The following ALG13 variants were observed in gnomAD, a reference collection of about 807,000 sequenced individuals.
The protein encoded by ALG13 is ALG13 UDP-N-acetylglucosaminyltransferase subunit, also known as UDP-N-acetylglucosamine transferase subunit ALG13.
ALG13 carries 11 observed loss-of-function variants against 87.8 expected under a neutral mutation model. The observed-to-expected ratio is 0.13, with a 90% CI of 0.08 to 0.21. ALG13 has a LOEUF of 0.21. ALG13 is among the 10% of genes least tolerant of loss of function. ALG13 has a pLI of 1.00. For synonymous variants in ALG13, 320 were observed against 306.3 expected (o/e 1.04, Z -0.47); for missense variants, 756 against 866.1 (o/e 0.87, Z 1.60).
intron 24 of ALG13, among the ~76,000 whole-genome samples, chrX:111,747,949 C>T: frequency 8.9e-6 from 1 of 112,514 alleles, no homozygotes. Context: ...GTTCCACATC[C>T]ATGCCAGTAT....
At chrX:111,705,463 G>A (rs985155855) in intron 3 of ALG13, among the ~76,000 whole-genome samples, 1 of 111,476 alleles carries the variant, frequency 9.0e-6, no homozygotes, top group African/African-American at 3.3e-5. Context: ...CATTTGCAGA[G>A]CAAAAGTTTT....
chrX:111,688,000 A>G, intron 3 of ALG13: 1 of 1,150,434 alleles, frequency 8.7e-7, no homozygotes, highest in Non-Finnish European at 1.2e-6. Context: ...TTACAAAAAT[A>G]AACACTAAAC....
intron 1 of ALG13, chrX:111,681,599 C>G (rs1933241256): frequency 3.6e-5 from 34 of 950,604 alleles, no homozygotes; most frequent in Non-Finnish European, 4.5e-5. Flanking sequence ...TCCGCGTCCT[C>G]CGCCCCTCCT....
At chrX:111,726,240 T>G (rs1185246934) in intron 15 of ALG13, among the ~76,000 whole-genome samples, 4 of 98,412 alleles carry the variant, frequency 4.1e-5, no homozygotes, top group Non-Finnish European at 8.2e-5. Flanking sequence ...TTGTTTTTTT[T>G]TTTTTTTTTT....
At chrX:111,758,957 A>G (rs1312674730) in intron 26 of ALG13, among the ~76,000 whole-genome samples, 1 of 110,615 alleles carries the variant, frequency 9.0e-6, no homozygotes, top group Non-Finnish European at 1.9e-5. Context: ...TAAGTATACT[A>G]TTACCTGGTG....
chrX:111,698,442 A>C (rs1233515349), intron 3 of ALG13, among the ~76,000 whole-genome samples: 1 of 111,277 alleles, frequency 9.0e-6, no homozygotes, highest in African/African-American at 3.3e-5. Flanking sequence ...TCTGCTGTAC[A>C]AAAGATCCCA....
rs1939809151 is a variant in ALG13 at position 111,711,709 on chromosome X, G to A, written c.869G>A (p.Arg290Gln). Residue 290 changes from arginine (R) to glutamine (Q), a missense_variant, in exon 6 of 27, where the codon CGG (arginine) becomes CAG (glutamine). Coordinates refer to ENST00000394780, the MANE Select transcript of ALG13 (RefSeq NM_001099922.3). ...GGATCTTTTGAGAAATACCTGGAAC[G>A]GTTGGGAGATCCCAAGGTAAGATCA... The part of the protein sequence containing the change: ...VEGSFEKYLE[R>Q]LGDPKESAGQ... The A allele has an allele frequency of 6.6e-6, 8 of 1,207,726 alleles. No individual in the cohort carries two copies. The East Asian group carries it at 8.9e-5, about 13-fold the overall frequency.
At chrX:111,746,300 C>T in intron 24 of ALG13, among the ~76,000 whole-genome samples, 1 of 112,284 alleles carries the variant, frequency 8.9e-6, no homozygotes, top group Non-Finnish European at 1.9e-5. Flanking sequence ...CATTGTCCCA[C>T]AAATTTCCCT....
At position 111,731,483 on chromosome X, in the gene ALG13, A is replaced by AAAC. The variant is rs771811205; in HGVS notation, c.2457+903_2457+904insAAC. Among the ~76,000 whole-genome samples, 61 of 111,654 alleles carry AAAC rather than the reference A, an allele frequency of 5.5e-4. 1 individual carries two copies. The highest frequency in any genetic ancestry group is 5.1e-3 in the Admixed American group (54 of 10,550). ...CTCTTCCCTGGAGGAACTCTCGTTC[A>AAAC]TTTTCTGGGGCTCTTGGTTACTCCC... On this transcript the variant is annotated intron_variant, in intron 21 of 26. Coordinates refer to ENST00000394780, the MANE Select transcript of ALG13 (RefSeq NM_001099922.3).
Position 111,760,228 on chromosome X carries a change from G to A in ALG13, c.*229G>A, listed in dbSNP as rs2087714209. On this transcript the variant is annotated 3_prime_UTR_variant, in exon 27 of 27. Coordinates refer to ENST00000394780, the MANE Select transcript of ALG13 (RefSeq NM_001099922.3). ...GGATGTACAACTAGCCCCATATTGAGCATACTTCATTGTATTCAGCTGTTT... is the reference window on the plus strand; with the variant it reads ...GGATGTACAACTAGCCCCATATTGAACATACTTCATTGTATTCAGCTGTTT... The A allele has an allele frequency of 2.7e-6, 1 of 375,934 alleles. No homozygotes were observed. The allele number at this position is 375,934 out of a possible 1,213,427, so 31.0% of individuals were successfully genotyped here.
intron 19 of ALG13, among the ~76,000 whole-genome samples, chrX:111,729,577 C>T (rs971672101): frequency 2.7e-5 from 3 of 111,282 alleles, no homozygotes; most frequent in African/African-American, 9.8e-5. Context: ...TTGAAATAAC[C>T]AAATCTTTGC....
At chrX:111,712,716 G>C (rs1939984799) in intron 7 of ALG13, among the ~76,000 whole-genome samples, 186 bp downstream of exon 7, 2 of 111,740 alleles carry the variant, frequency 1.8e-5, no homozygotes, top group African/African-American at 6.5e-5. Flanking sequence ...TGTTTCATGG[G>C]ATGGAAAAAT....
At chrX:111,712,328 C>G (rs1017017891) in intron 6 of ALG13, among the ~76,000 whole-genome samples, 156 bp from the exon 7 acceptor site, 16 of 111,440 alleles carry the variant, frequency 1.4e-4, no homozygotes, top group African/African-American at 4.9e-4. Flanking sequence ...TAATAAGTAG[C>G]TATCACAGTA....
intron 3 of ALG13, chrX:111,688,578 A>T: frequency 1.4e-6 from 1 of 719,475 alleles, no homozygotes; most frequent in Non-Finnish European, 1.6e-6. Context: ...TTTTTTTTCT[A>T]AAACATACAA....
intron 3 of ALG13, among the ~76,000 whole-genome samples, chrX:111,691,147 C>T (rs1936070414): frequency 9.0e-6 from 1 of 111,277 alleles, no homozygotes; most frequent in African/African-American, 3.3e-5. Flanking sequence ...GTCACCCAGA[C>T]TGGAGTGCAA....
chrX:111,695,474 G>C (rs779627973), intron 3 of ALG13, among the ~76,000 whole-genome samples: 29 of 107,531 alleles, frequency 2.7e-4, no homozygotes, highest in Non-Finnish European at 5.5e-4. Flanking sequence ...AGTGAGCCAA[G>C]ATTGCGCCAT....
At chrX:111,756,160 G>A (rs773822225) in intron 25 of ALG13, among the ~76,000 whole-genome samples, 48 of 111,810 alleles carry the variant, frequency 4.3e-4, no homozygotes, top group African/African-American at 1.5e-3. Flanking sequence ...CTATCACAAG[G>A]ACAGAAAACC....
At chrX:111,732,065 C>T (rs1367887377) in intron 21 of ALG13, among the ~76,000 whole-genome samples, 1 of 111,729 alleles carries the variant, frequency 9.0e-6, no homozygotes, top group Non-Finnish European at 1.9e-5. Flanking sequence ...AGGGTTGAAA[C>T]AGTTGTTCCT....
intron 2 of ALG13, among the ~76,000 whole-genome samples, chrX:111,682,740 T>G (rs998150283): frequency 2.0e-4 from 23 of 112,213 alleles, no homozygotes; most frequent in Middle Eastern, 4.6e-3. Flanking sequence ...TACTTGGGCT[T>G]AGATCTAAAG....
Sources: gnomAD v4.1 joint callset for allele counts (sites outside exome capture counted in the v4.1 genomes callset) on GRCh38, gnomAD v4.1.1 for gene constraint, MANE v1.5 for transcripts, NCBI Gene and HGNC (gene_info 2026-07-23, HGNC 2026-07-21) for gene names.